CPT1A: variants seen among roughly 807,000 people sequenced by gnomAD.
CPT1A encodes the protein carnitine palmitoyltransferase 1A, also known as carnitine O-palmitoyltransferase 1, liver isoform.
In CPT1A, 64 loss-of-function variants were observed where a neutral mutation model predicts 100.8. The ratio of observed to expected loss-of-function variants is 0.63; its 90% CI spans 0.52 to 0.78. CPT1A has a LOEUF of 0.78. Ranked by LOEUF, CPT1A falls within the 30% of genes least tolerant of loss-of-function variation. The pLI is 0.00. For missense variants in CPT1A, 802 were observed against 1,034.1 expected, an observed-to-expected ratio of 0.78 and a Z score of 3.08; for synonymous variants, 363 against 396.0, an observed-to-expected ratio of 0.92 and a Z score of 0.99.
chr11:68,803,935 A>T, intron 5 of CPT1A, 65 bp downstream of exon 5: 1 of 1,305,858 alleles, frequency 7.7e-7, no homozygotes, highest in East Asian at 2.3e-5. Context: ...GTTCATCATA[A>T]TTAAGACCTA....
chr11:68,836,941 AG>A, intron 1 of CPT1A, among the ~76,000 whole-genome samples: 1 of 152,370 alleles, frequency 6.6e-6, no homozygotes, highest in East Asian at 1.9e-4. Flanking sequence ...AGGGCACCAG[AG>A]GAGATGACAG....
At chr11:68,835,048 C>T (rs577555808) in intron 1 of CPT1A, among the ~76,000 whole-genome samples, 19 of 151,574 alleles carry the variant, frequency 1.3e-4, no homozygotes, top group African/African-American at 4.4e-4. Flanking sequence ...TAGTGCACCA[C>T]GTCAATAAGT....
In CPT1A at chr11:68,792,590, G is replaced by A. The variant is rs968136843; in HGVS notation, c.967+725C>T. Among the ~76,000 whole-genome samples, 5 of 152,308 alleles carry A rather than the reference G, an allele frequency of 3.3e-5. No individual in the cohort carries two copies. The South Asian group carries it at 6.2e-4, about 19-fold the overall frequency. On this transcript the variant is annotated intron_variant, in intron 9 of 18. Transcript: ENST00000265641. ...CTCCCTCCCTGTCATTCTCAAGGAC[G>A]TCCTGGTTTGGACGGTGGCTTACGT... is the stretch of plus-strand genomic sequence containing the variant.
rs1388781838 is a variant in CPT1A at position 68,756,112 on chromosome 11, C to T, written c.*1532G>A. 1 of 82,042 alleles carries T rather than the reference C, an allele frequency of 1.2e-5. No homozygotes were observed. Among genetic ancestry groups the T allele is most frequent in the Non-Finnish European group, 2.2e-5 (1 of 46,456 alleles). The allele number at this position is 82,042 out of a possible 1,614,324, so 5.1% of individuals were successfully genotyped here. A position where few individuals can be genotyped will look rare whatever the true frequency, so the allele number is the denominator to read the frequency against. On this transcript the variant is annotated 3_prime_UTR_variant, in exon 19 of 19. Transcript: ENST00000265641. ...GGGCAACAAGAGTGAAACTCCATCT[C>T]AAAAAAAAAAAAAAAAAAAAAGGCA...
intron 3 of CPT1A, 137 bp from the exon 4 acceptor site, chr11:68,807,775 AGAGC>A: frequency 2.5e-6 from 2 of 803,296 alleles, no homozygotes; most frequent in Non-Finnish European, 4.2e-6. Context: ...AGTCAGAGGG[AGAGC>A]ACTTGCAGGA....
At chr11:68,805,600 G>A (rs966299925) in intron 4 of CPT1A, among the ~76,000 whole-genome samples, 7 of 152,104 alleles carry the variant, frequency 4.6e-5, no homozygotes, top group South Asian at 2.1e-4. Flanking sequence ...GGGCCATCCC[G>A]AGGCGACCAA....
chr11:68,764,554 C>A (rs1854729671), intron 14 of CPT1A, among the ~76,000 whole-genome samples: 1 of 152,058 alleles, frequency 6.6e-6, no homozygotes, highest in Non-Finnish European at 1.5e-5. Context: ...GCACAGGACC[C>A]ACTCAGCTGG....
At chr11:68,770,170 G>A (rs1233784726) in intron 14 of CPT1A, among the ~76,000 whole-genome samples, 1 of 152,100 alleles carries the variant, frequency 6.6e-6, no homozygotes, top group Non-Finnish European at 1.5e-5. Context: ...GGAGTTGGGG[G>A]GCGAGTGCTC....
At chr11:68,763,692 G>C (rs545963859) in intron 14 of CPT1A, among the ~76,000 whole-genome samples, 7 of 152,316 alleles carry the variant, frequency 4.6e-5, no homozygotes, top group Admixed American at 4.6e-4. Flanking sequence ...AGGCTGGAGA[G>C]GAGGTGCTGG....
chr11:68,827,107 G>A (rs1856753392), intron 1 of CPT1A, among the ~76,000 whole-genome samples: 1 of 152,154 alleles, frequency 6.6e-6, no homozygotes, highest in African/African-American at 2.4e-5. Flanking sequence ...GCCAAGGCGG[G>A]CAGATCGCTT....
At chr11:68,837,241 G>T (rs1158097148) in intron 1 of CPT1A, among the ~76,000 whole-genome samples, 2 of 152,138 alleles carry the variant, frequency 1.3e-5, no homozygotes. Flanking sequence ...GTAAAGACGA[G>T]GTTTCACTGT....
intron 5 of CPT1A, among the ~76,000 whole-genome samples, chr11:68,801,845 T>C (rs1414745507): frequency 6.6e-6 from 1 of 152,152 alleles, no homozygotes; most frequent in African/African-American, 2.4e-5. Flanking sequence ...GGTTCCTCAA[T>C]GAGTTACCAC....
intron 1 of CPT1A, among the ~76,000 whole-genome samples, chr11:68,818,950 C>G (rs1422996538): frequency 1.3e-5 from 2 of 152,098 alleles, no homozygotes; most frequent in Admixed American, 6.5e-5. Flanking sequence ...AGGAATGGAT[C>G]CCATTTTTGA....
At chr11:68,766,783 C>T (rs1315642811) in intron 14 of CPT1A, among the ~76,000 whole-genome samples, 4 of 151,210 alleles carry the variant, frequency 2.6e-5, no homozygotes, top group Non-Finnish European at 2.9e-5. Context: ...CTACCACGCC[C>T]GGCACTCCAG....
At chr11:68,761,223 G>A (rs1332590294) in intron 16 of CPT1A, among the ~76,000 whole-genome samples, 2 of 149,128 alleles carry the variant, frequency 1.3e-5, no homozygotes, top group Non-Finnish European at 1.5e-5. Context: ...TAAAATAAAG[G>A]ATTTTTAAAA....
At chr11:68,790,937 C>A (rs1192198158) in intron 9 of CPT1A, among the ~76,000 whole-genome samples, 1 of 152,172 alleles carries the variant, frequency 6.6e-6, no homozygotes, top group East Asian at 1.9e-4. Context: ...AATCCTCCTA[C>A]CTCTGCCTCC....
chr11:68,795,324 A>C (rs906184361), intron 7 of CPT1A, among the ~76,000 whole-genome samples: 3 of 152,180 alleles, frequency 2.0e-5, no homozygotes, highest in Non-Finnish European at 2.9e-5. Context: ...AAATGTCTGC[A>C]TTTTCCACAA....
intron 14 of CPT1A, among the ~76,000 whole-genome samples, chr11:68,773,007 C>G (rs1855032539): frequency 6.6e-6 from 1 of 152,206 alleles, no homozygotes; most frequent in Non-Finnish European, 1.5e-5. Flanking sequence ...TGAGATCTCA[C>G]TTTGTCCTCA....
intron 12 of CPT1A, among the ~76,000 whole-genome samples, chr11:68,778,511 G>A (rs1279957259): frequency 2.6e-5 from 4 of 152,006 alleles, no homozygotes; most frequent in African/African-American, 7.2e-5. Context: ...CAAGGCGGGT[G>A]GATCACTTGA....
Sources: allele counts gnomAD v4.1 joint callset (sites outside exome capture counted in the v4.1 genomes callset), GRCh38; gene constraint gnomAD v4.1.1; transcripts MANE v1.5; gene names NCBI Gene and HGNC (gene_info 2026-07-23, HGNC 2026-07-21).